Variants in LARGE1 observed in about 807,000 individuals in gnomAD.
The protein encoded by LARGE1 is LARGE xylosyl- and glucuronyltransferase 1.
In LARGE1, 43 loss-of-function variants were observed where a neutral mutation model predicts 87.6. The ratio of observed to expected loss-of-function variants is 0.49; its 90% CI spans 0.38 to 0.63. The LOEUF is 0.63. Among genes scored for constraint, LARGE1 ranks in the 30% least tolerant of loss-of-function variants. LARGE1 has a pLI of 0.00. For synonymous variants in LARGE1, 434 were observed against 394.6 expected, an observed-to-expected ratio of 1.10 and a Z score of -1.18; for missense variants, 802 against 1,000.2, an observed-to-expected ratio of 0.80 and a Z score of 2.67.
intron 6 of LARGE1, among the ~76,000 whole-genome samples, chr22:33,475,223 A>T (rs893778221): frequency 1.3e-5 from 2 of 152,106 alleles, no homozygotes; most frequent in East Asian, 1.9e-4. Context: ...TCTCTGTTTC[A>T]TCTCTTCCTA....
intron 1 of LARGE1, among the ~76,000 whole-genome samples, chr22:33,812,190 A>G (rs184273023): frequency 9.8e-5 from 15 of 152,350 alleles, no homozygotes; most frequent in Admixed American, 5.2e-4. Context: ...TTAATAGCTA[A>G]GGTTCCAGGA....
the LARGE1 span, among the ~76,000 whole-genome samples, chr22:33,125,479 T>G: frequency 6.7e-6 from 1 of 149,196 alleles, no homozygotes; most frequent in Non-Finnish European, 1.5e-5. Context: ...AGAGTTTCAC[T>G]CTTGTTGCCC....
At chr22:33,876,444 GTTA>G (rs2064469587) in intron 1 of LARGE1, among the ~76,000 whole-genome samples, 1 of 152,144 alleles carries the variant, frequency 6.6e-6, no homozygotes, top group Non-Finnish European at 1.5e-5. Flanking sequence ...ATACAGATAT[GTTA>G]CCTTTGTGAA....
chr22:33,135,863 A>AAAAT, the LARGE1 span, among the ~76,000 whole-genome samples: 1 of 149,136 alleles, frequency 6.7e-6, no homozygotes, highest in Non-Finnish European at 1.5e-5. Context: ...AAAACAAAAT[A>AAAAT]AAATAAAATA....
At chr22:33,468,194 C>T (rs187824434) in intron 6 of LARGE1, among the ~76,000 whole-genome samples, 2 of 152,308 alleles carry the variant, frequency 1.3e-5, no homozygotes, top group East Asian at 3.9e-4. Context: ...GTTGAGGACT[C>T]TCCAAATCAA....
intron 1 of LARGE1, among the ~76,000 whole-genome samples, chr22:33,882,724 T>C (rs190405441): frequency 2.6e-5 from 4 of 152,320 alleles, no homozygotes; most frequent in African/African-American, 9.6e-5. Flanking sequence ...ACCTGTGAGA[T>C]TTGATCATGG....
chr22:33,526,586 T>C (rs997345512), intron 6 of LARGE1, among the ~76,000 whole-genome samples: 1 of 152,252 alleles, frequency 6.6e-6, no homozygotes. Flanking sequence ...GCAGTATCCG[T>C]GTGCTCTCAC....
chr22:33,856,048 C>T (rs974961562), intron 1 of LARGE1, among the ~76,000 whole-genome samples: 68 of 152,210 alleles, frequency 4.5e-4, no homozygotes, highest in African/African-American at 1.6e-3. Flanking sequence ...CCCAGCCCTA[C>T]GCTGGCACCT....
intron 6 of LARGE1, among the ~76,000 whole-genome samples, chr22:33,483,335 GATTTC>G (rs1287808121): frequency 6.6e-6 from 1 of 152,104 alleles, no homozygotes; most frequent in Non-Finnish European, 1.5e-5. Context: ...GGAGATCCAA[GATTTC>G]ATTTTATTAA....
At chr22:33,487,995 A>C (rs1443669339) in intron 6 of LARGE1, among the ~76,000 whole-genome samples, 1 of 152,238 alleles carries the variant, frequency 6.6e-6, no homozygotes, top group Non-Finnish European at 1.5e-5. Flanking sequence ...TACTCATGTT[A>C]GCCTCAGAGT....
chr22:33,378,699 G>A (rs1475550365), intron 9 of LARGE1, among the ~76,000 whole-genome samples: 1 of 152,138 alleles, frequency 6.6e-6, no homozygotes, highest in Non-Finnish European at 1.5e-5. Flanking sequence ...CACTAGCTGG[G>A]TCCCTATAAT....
the LARGE1 span, among the ~76,000 whole-genome samples, chr22:33,103,306 G>A: frequency 1.3e-4 from 19 of 151,746 alleles, no homozygotes; most frequent in South Asian, 1.0e-3. Flanking sequence ...GGTGGCGGGC[G>A]CCTGTAGTCC....
At chr22:33,154,586 T>A in the LARGE1 span, among the ~76,000 whole-genome samples, 32 of 152,328 alleles carry the variant, frequency 2.1e-4, no homozygotes, top group African/African-American at 7.5e-4. Context: ...TTTTCTTCTG[T>A]GACTACGCTT....
At chr22:33,093,759 G>A in the LARGE1 span, among the ~76,000 whole-genome samples, 2 of 151,716 alleles carry the variant, frequency 1.3e-5, no homozygotes, top group East Asian at 1.9e-4. Flanking sequence ...GTGTGGGGGC[G>A]GTGGGATGGA....
chr22:33,413,625 C>T (rs536455868), intron 7 of LARGE1, among the ~76,000 whole-genome samples: 3 of 152,124 alleles, frequency 2.0e-5, no homozygotes, highest in South Asian at 2.1e-4. Context: ...CCACCATGCC[C>T]GGCTAATTTT....
chr22:33,768,864 C>T (rs2145796860), intron 1 of LARGE1, among the ~76,000 whole-genome samples: 1 of 152,294 alleles, frequency 6.6e-6, no homozygotes, highest in South Asian at 2.1e-4. Flanking sequence ...GAATCTCAGG[C>T]CTCACCCTAG....
intron 4 of LARGE1, among the ~76,000 whole-genome samples, chr22:33,606,335 G>A (rs2079259932): frequency 6.6e-6 from 1 of 151,952 alleles, no homozygotes; most frequent in South Asian, 2.1e-4. Context: ...AATCTGGGTG[G>A]TGGAGGTTGC....
At chr22:33,817,461 A>G (rs1311180991) in intron 1 of LARGE1, among the ~76,000 whole-genome samples, 1 of 152,056 alleles carries the variant, frequency 6.6e-6, no homozygotes, top group Non-Finnish European at 1.5e-5. Flanking sequence ...TCTCTTTCGC[A>G]GGGGACCCGT....
chr22:33,426,354 T>A (rs2066877685), intron 7 of LARGE1, among the ~76,000 whole-genome samples: 1 of 152,194 alleles, frequency 6.6e-6, no homozygotes, highest in Non-Finnish European at 1.5e-5. Flanking sequence ...AAATTGTATT[T>A]AAATATAGCT....
Sources: allele counts gnomAD v4.1 joint callset (sites outside exome capture counted in the v4.1 genomes callset), GRCh38; gene constraint gnomAD v4.1.1; transcripts MANE v1.5; gene names NCBI Gene and HGNC (gene_info 2026-07-23, HGNC 2026-07-21).